The following ANO3 variants were observed in gnomAD, a reference collection of about 807,000 sequenced individuals.
ANO3 encodes anoctamin-3.
In ANO3, 99 loss-of-function variants were observed where a neutral mutation model predicts 144.8. The ratio of observed to expected loss-of-function variants is 0.68; its 90% CI spans 0.58 to 0.81. The LOEUF (loss-of-function observed/expected upper bound fraction) is 0.81. Ranked by LOEUF, ANO3 falls within the 30% of genes least tolerant of loss-of-function variation. ANO3 has a pLI of 0.00. For missense variants in ANO3, 905 were observed against 1,202.2 expected, an observed-to-expected ratio of 0.75 and a Z score of 3.66; for synonymous variants, 414 against 392.6, an observed-to-expected ratio of 1.05 and a Z score of -0.64.
intron 1 of ANO3, among the ~76,000 whole-genome samples, chr11:26,416,600 G>A (rs1289449589): frequency 1.3e-5 from 2 of 151,772 alleles, no homozygotes; most frequent in Non-Finnish European, 2.9e-5. Flanking sequence ...CTAGTTTTTT[G>A]TATTTTAGTA....
intron 1 of ANO3, among the ~76,000 whole-genome samples, chr11:26,258,331 C>T (rs553418803): frequency 6.6e-6 from 1 of 152,144 alleles, no homozygotes; most frequent in Non-Finnish European, 1.5e-5. Flanking sequence ...ATTCACAACA[C>T]ATTTACTAAG....
chr11:26,632,421 C>T (rs898683804), intron 18 of ANO3, among the ~76,000 whole-genome samples: 5 of 150,840 alleles, frequency 3.3e-5, no homozygotes, highest in African/African-American at 1.2e-4. Context: ...GAGGCTGAGG[C>T]AGAAGAATCA....
At chr11:26,455,856 G>T (rs952069606) in intron 3 of ANO3, among the ~76,000 whole-genome samples, 7 of 151,340 alleles carry the variant, frequency 4.6e-5, no homozygotes, top group Non-Finnish European at 8.8e-5. Flanking sequence ...AAACAGCATG[G>T]TACTGGCACC....
intron 14 of ANO3, among the ~76,000 whole-genome samples, chr11:26,574,140 G>C (rs533645416): frequency 1.3e-5 from 2 of 152,198 alleles, no homozygotes; most frequent in East Asian, 3.9e-4. Context: ...ACCCACTATG[G>C]TGCCTTTCAT....
chr11:26,512,900 A>T (rs146774745), intron 5 of ANO3, among the ~76,000 whole-genome samples: 3,341 of 152,322 alleles, frequency 0.022, 63 homozygotes, highest in Non-Finnish European at 0.035. Context: ...TATAAATTAC[A>T]TAACATGTGT....
chr11:26,522,770 A>G (rs1169319875), intron 6 of ANO3, among the ~76,000 whole-genome samples: 2 of 152,216 alleles, frequency 1.3e-5, no homozygotes, highest in Non-Finnish European at 2.9e-5. Flanking sequence ...AAAGATAGAA[A>G]AGGAAGAAAA....
At chr11:26,334,339 T>C (rs760741250) in intron 1 of ANO3, among the ~76,000 whole-genome samples, 13 of 152,230 alleles carry the variant, frequency 8.5e-5, no homozygotes, top group African/African-American at 1.4e-4. Flanking sequence ...ACAGACCAAA[T>C]TGAGGATTAG....
chr11:26,189,201 G>C (rs1301567636), exon 1 of ANO3: 13 of 985,128 alleles, frequency 1.3e-5, no homozygotes, highest in East Asian at 2.3e-4. Flanking sequence ...ATTTGAACTG[G>C]ATAATTTTTC....
intron 3 of ANO3, chr11:26,459,974 TG>T (rs1859322985): frequency 3.5e-6 from 1 of 288,410 alleles, no homozygotes; most frequent in African/African-American, 2.3e-5. Context: ...CATTTCCAGT[TG>T]TGCTGTTTTG....
At chr11:26,271,435 A>T (rs1456972278) in intron 1 of ANO3, among the ~76,000 whole-genome samples, 1 of 152,234 alleles carries the variant, frequency 6.6e-6, no homozygotes, top group Non-Finnish European at 1.5e-5. Flanking sequence ...ATAGCCAAAA[A>T]GATATTATTA....
intron 6 of ANO3, among the ~76,000 whole-genome samples, chr11:26,522,342 G>T (rs1056959801): frequency 6.6e-6 from 1 of 152,052 alleles, no homozygotes; most frequent in Non-Finnish European, 1.5e-5. Context: ...GAGCATGGGG[G>T]TCAGGATTTC....
At chr11:26,558,828 T>C (rs555542485) in intron 13 of ANO3, among the ~76,000 whole-genome samples, 1 of 152,244 alleles carries the variant, frequency 6.6e-6, no homozygotes, top group East Asian at 1.9e-4. Context: ...GAGGACACCA[T>C]TCCATTCCAA....
At chr11:26,195,467 G>T (rs1382079724) in intron 1 of ANO3, among the ~76,000 whole-genome samples, 1 of 152,182 alleles carries the variant, frequency 6.6e-6, no homozygotes, top group East Asian at 1.9e-4. Context: ...AAGAGTTAAT[G>T]TAGCCTTTAG....
At chr11:26,659,969 A>C (rs373994204) in intron 26 of ANO3, among the ~76,000 whole-genome samples, 2 of 152,154 alleles carry the variant, frequency 1.3e-5, no homozygotes, top group African/African-American at 4.8e-5. Flanking sequence ...AATATTTCAT[A>C]ATATGTAAAG....
At chr11:26,528,675 AAG>A (rs1849227771) in intron 7 of ANO3, among the ~76,000 whole-genome samples, 1 of 152,074 alleles carries the variant, frequency 6.6e-6, no homozygotes, top group Non-Finnish European at 1.5e-5. Flanking sequence ...CTGAAGCTCA[AAG>A]ATTAGAAATG....
At chr11:26,510,410 T>G (rs1284663281) in intron 5 of ANO3, among the ~76,000 whole-genome samples, 1 of 152,062 alleles carries the variant, frequency 6.6e-6, no homozygotes, top group Non-Finnish European at 1.5e-5. Context: ...GCTAATTAAA[T>G]AAAGAAGTAC....
intron 1 of ANO3, among the ~76,000 whole-genome samples, chr11:26,283,819 C>A (rs1853739864): frequency 6.6e-6 from 1 of 152,052 alleles, no homozygotes. Flanking sequence ...CAAATTGTAA[C>A]GAATGCCCTG....
At chr11:26,641,667 A>T (rs2133059092) in intron 21 of ANO3, among the ~76,000 whole-genome samples, 1 of 152,178 alleles carries the variant, frequency 6.6e-6, no homozygotes, top group African/African-American at 2.4e-5. Context: ...GCTGGGGCCT[A>T]CTCTCCTATG....
At chr11:26,590,322 A>G (rs1467214371) in intron 14 of ANO3, among the ~76,000 whole-genome samples, 7 of 152,222 alleles carry the variant, frequency 4.6e-5, no homozygotes, top group African/African-American at 9.7e-5. Flanking sequence ...AACAACTTAT[A>G]TGATGTGATA....
Sources: allele counts gnomAD v4.1 joint callset (sites outside exome capture counted in the v4.1 genomes callset), GRCh38; gene constraint gnomAD v4.1.1; transcripts MANE v1.5; gene names NCBI Gene and HGNC (gene_info 2026-07-23, HGNC 2026-07-21).